Variants in TMEM232 observed in about 807,000 individuals in gnomAD.
TMEM232 encodes transmembrane protein 232.
In TMEM232, 80 loss-of-function variants were observed where a neutral mutation model predicts 78.8. The observed-to-expected ratio is 1.01, with a 90% CI of 0.85 to 1.22. TMEM232 has a LOEUF of 1.22. TMEM232 is among the 50% of genes most tolerant of loss of function. The probability of loss-of-function intolerance (pLI) is 0.00; values close to 1 mark genes in which losing one functional copy is unlikely to be tolerated. For synonymous variants in TMEM232, 297 were observed against 254.3 expected, an observed-to-expected ratio of 1.17 and a Z score of -1.60; for missense variants, 881 against 742.2, an observed-to-expected ratio of 1.19 and a Z score of -2.17.
intron 7 of TMEM232, among the ~76,000 whole-genome samples, chr5:110,622,185 G>C (rs1431552212): frequency 6.6e-6 from 1 of 152,094 alleles, no homozygotes; most frequent in Non-Finnish European, 1.5e-5. Context: ...ATAATTCCTA[G>C]TAACCATTTA....
chr5:110,407,380 G>C (rs374395988), intron 2 of TMEM232, among the ~76,000 whole-genome samples: 1 of 152,014 alleles, frequency 6.6e-6, no homozygotes, highest in African/African-American at 2.4e-5. Context: ...GGAGTAACTA[G>C]ATTCATATCA....
chr5:110,396,942 G>A (rs1330976077), intron 3 of TMEM232, among the ~76,000 whole-genome samples: 1 of 152,102 alleles, frequency 6.6e-6, no homozygotes, highest in Non-Finnish European at 1.5e-5. Context: ...ACTCGAAAAA[G>A]TGGCCTCTGA....
At chr5:110,641,716 C>G (rs890533462) in intron 3 of TMEM232, among the ~76,000 whole-genome samples, 2 of 152,062 alleles carry the variant, frequency 1.3e-5, no homozygotes, top group African/African-American at 4.8e-5. Flanking sequence ...CATATCAAAG[C>G]AAAATATGTA....
chr5:110,513,442 T>A (rs1311630169), intron 12 of TMEM232, among the ~76,000 whole-genome samples: 1 of 151,656 alleles, frequency 6.6e-6, no homozygotes, highest in Non-Finnish European at 1.5e-5. Context: ...CAACTTAATA[T>A]CAAATAAAAC....
intron 12 of TMEM232, among the ~76,000 whole-genome samples, chr5:110,448,017 A>C (rs1043467488): frequency 5.9e-5 from 9 of 152,120 alleles, no homozygotes; most frequent in African/African-American, 2.2e-4. Flanking sequence ...AAATGACTTG[A>C]ATATGTATAT....
chr5:110,512,387 G>T (rs1767908844), intron 12 of TMEM232, among the ~76,000 whole-genome samples: 1 of 152,146 alleles, frequency 6.6e-6, no homozygotes. Context: ...TTCTAGACAA[G>T]AATCCAATCA....
chr5:110,399,961 A>G (rs933808698), intron 2 of TMEM232, among the ~76,000 whole-genome samples: 9 of 152,078 alleles, frequency 5.9e-5, no homozygotes, highest in African/African-American at 1.9e-4. Flanking sequence ...GACCACTATG[A>G]GGGGTCCATT....
At chr5:110,721,467 G>C (rs945915917) in intron 1 of TMEM232, among the ~76,000 whole-genome samples, 4 of 151,212 alleles carry the variant, frequency 2.6e-5, no homozygotes, top group Admixed American at 6.6e-5. Context: ...CCAGGGTCCA[G>C]GGTTGCTAAA....
chr5:110,484,352 T>G (rs751347632), intron 12 of TMEM232, among the ~76,000 whole-genome samples: 2 of 151,760 alleles, frequency 1.3e-5, no homozygotes, highest in Non-Finnish European at 2.9e-5. Flanking sequence ...ATATAATGTT[T>G]AAAGAGTTTA....
chr5:110,586,654 A>T (rs544684499), intron 10 of TMEM232, among the ~76,000 whole-genome samples: 1 of 152,036 alleles, frequency 6.6e-6, no homozygotes, highest in African/African-American at 2.4e-5. Flanking sequence ...CTTAATATGA[A>T]TGGGACATAG....
intron 12 of TMEM232, among the ~76,000 whole-genome samples, chr5:110,487,190 T>C (rs1346529032): frequency 6.6e-6 from 1 of 152,142 alleles, no homozygotes; most frequent in African/African-American, 2.4e-5. Context: ...AATTCTTTTC[T>C]CAGTTCTAGG....
intron 10 of TMEM232, among the ~76,000 whole-genome samples, chr5:110,586,129 G>T (rs930302793): frequency 6.6e-6 from 1 of 152,012 alleles, no homozygotes; most frequent in Non-Finnish European, 1.5e-5. Flanking sequence ...TTTAGAAACC[G>T]CAGTAAAGGC....
At chr5:110,465,663 C>A (rs1761996431) in intron 12 of TMEM232, among the ~76,000 whole-genome samples, 1 of 152,030 alleles carries the variant, frequency 6.6e-6, no homozygotes, top group African/African-American at 2.4e-5. Flanking sequence ...GAAATTTGAA[C>A]TAAATAAATG....
chr5:110,654,124 G>A (rs539618520), intron 2 of TMEM232, among the ~76,000 whole-genome samples: 7 of 152,074 alleles, frequency 4.6e-5, no homozygotes, highest in African/African-American at 9.7e-5. Flanking sequence ...AAAAGTGTTC[G>A]TTATTAACAG....
At chr5:110,646,566 A>G (rs1291206189) in intron 2 of TMEM232, among the ~76,000 whole-genome samples, 1 of 151,804 alleles carries the variant, frequency 6.6e-6, no homozygotes, top group Non-Finnish European at 1.5e-5. Flanking sequence ...TGATTTAAAG[A>G]CTTAAATGTA....
chr5:110,613,240 T>C (rs1782532597), intron 8 of TMEM232, among the ~76,000 whole-genome samples: 1 of 152,120 alleles, frequency 6.6e-6, no homozygotes, highest in African/African-American at 2.4e-5. Flanking sequence ...TTTGCTTCTA[T>C]TTGTTTCTTT....
At chr5:110,489,452 A>G (rs1467283157) in intron 12 of TMEM232, among the ~76,000 whole-genome samples, 2 of 152,102 alleles carry the variant, frequency 1.3e-5, no homozygotes, top group Non-Finnish European at 2.9e-5. Flanking sequence ...TGACAAAATC[A>G]ACACACTTTA....
chr5:110,508,093 C>G (rs1767160190), intron 12 of TMEM232, among the ~76,000 whole-genome samples: 1 of 151,800 alleles, frequency 6.6e-6, no homozygotes, highest in South Asian at 2.1e-4. Flanking sequence ...TTTCTTTAAG[C>G]AAATAGTTTC....
At chr5:110,598,142 A>G (rs918917172) in intron 10 of TMEM232, among the ~76,000 whole-genome samples, 5 of 152,182 alleles carry the variant, frequency 3.3e-5, no homozygotes. Context: ...TCCACAATCT[A>G]CAATGAACTC....
Sources: allele counts gnomAD v4.1 joint callset (sites outside exome capture counted in the v4.1 genomes callset), GRCh38; gene constraint gnomAD v4.1.1; transcripts MANE v1.5; gene names NCBI Gene and HGNC (gene_info 2026-07-23, HGNC 2026-07-21).